The following CDH11 variants were observed in gnomAD, a reference collection of about 807,000 sequenced individuals.
The protein encoded by CDH11 is cadherin-11.
Under a neutral mutation model 67.8 loss-of-function variants are expected in CDH11, and 11 were observed. That is an observed-to-expected ratio of 0.16 (90% CI 0.10 to 0.27). The LOEUF (loss-of-function observed/expected upper bound fraction) is 0.27. Ranked by LOEUF, CDH11 falls within the 10% of genes least tolerant of loss-of-function variation. CDH11 has a pLI of 1.00. For missense variants in CDH11, 847 were observed against 1,031.2 expected, an observed-to-expected ratio of 0.82 and a Z score of 2.45; for synonymous variants, 419 against 400.0, an observed-to-expected ratio of 1.05 and a Z score of -0.57.
chr16:65,061,953 G>A (rs762090641), intron 1 of CDH11, among the ~76,000 whole-genome samples: 2 of 152,146 alleles, frequency 1.3e-5, no homozygotes, highest in African/African-American at 4.8e-5. Flanking sequence ...ACAAAAAGAC[G>A]GAGTAAAGTT....
chr16:65,101,636 A>G (rs1161538061), intron 1 of CDH11, among the ~76,000 whole-genome samples: 1 of 152,022 alleles, frequency 6.6e-6, no homozygotes, highest in African/African-American at 2.4e-5. Context: ...CCATCTTCCC[A>G]TGAGCAGTGC....
At chr16:65,074,968 T>A (rs1033145195) in intron 1 of CDH11, among the ~76,000 whole-genome samples, 1 of 151,982 alleles carries the variant, frequency 6.6e-6, no homozygotes, top group African/African-American at 2.4e-5. Context: ...CATGCGCACA[T>A]ACACACACAC....
At chr16:64,992,655 C>G (rs1290475048) in intron 5 of CDH11, among the ~76,000 whole-genome samples, 2 of 152,156 alleles carry the variant, frequency 1.3e-5, no homozygotes, top group African/African-American at 2.4e-5. Context: ...TCTCTTACTT[C>G]TGATATTAAA....
At chr16:64,976,584 A>G (rs1017322350) in intron 8 of CDH11, among the ~76,000 whole-genome samples, 44 of 152,180 alleles carry the variant, frequency 2.9e-4, no homozygotes, top group African/African-American at 1.1e-3. Flanking sequence ...GCCTTGCCTG[A>G]TGGCTCAAGC....
At chr16:65,046,613 A>G (rs1223111753) in intron 2 of CDH11, among the ~76,000 whole-genome samples, 2 of 152,214 alleles carry the variant, frequency 1.3e-5, no homozygotes, top group African/African-American at 4.8e-5. Context: ...TTGATTAGGG[A>G]TTAAATTCAT....
At chr16:65,084,590 A>T (rs949574322) in intron 1 of CDH11, among the ~76,000 whole-genome samples, 6 of 152,356 alleles carry the variant, frequency 3.9e-5, no homozygotes, top group Non-Finnish European at 7.3e-5. Context: ...AAGTGAGAAT[A>T]GTCGTCATTT....
chr16:65,089,459 T>C (rs1284196640), intron 1 of CDH11, among the ~76,000 whole-genome samples: 1 of 152,200 alleles, frequency 6.6e-6, no homozygotes, highest in Non-Finnish European at 1.5e-5. Flanking sequence ...GAAAACTTGC[T>C]CTTAAAACTA....
chr16:65,004,882 G>T lies in CDH11; in HGVS notation c.-13C>A. ...AGTTCTCCTTCATTTTTGGTTACGT[G>T]GTAGGCACAGGAGAATGCAGCTGTC... On this transcript the variant is annotated 5_prime_UTR_variant, in exon 3 of 13. Transcript: ENST00000268603. 1.3e-6 allele frequency: 2 copies of T among 1,507,592 alleles called. No individual in the cohort carries two copies. The highest frequency in any genetic ancestry group is 1.8e-6 in the Non-Finnish European group (2 of 1,122,738). 93.4% of individuals were successfully genotyped at this position (1,507,592 alleles called of 1,614,324 possible).
intron 6 of CDH11, 56 bp downstream of exon 6, chr16:64,991,712 G>C (rs2072632794): frequency 1.5e-6 from 2 of 1,337,566 alleles, no homozygotes; most frequent in Admixed American, 3.4e-5. Flanking sequence ...GGTTAGAGGA[G>C]GGAGAGAGCT....
intron 1 of CDH11, among the ~76,000 whole-genome samples, chr16:65,099,669 T>C (rs2074957326): frequency 6.6e-6 from 1 of 151,750 alleles, no homozygotes; most frequent in African/African-American, 2.4e-5. Flanking sequence ...CAGAAAAGAG[T>C]AGATGGAGAT....
chr16:65,121,740 A>C lies in CDH11; in HGVS notation c.-298+140T>G, dbSNP rs929463502. ...CTCTCCCTCCCTTTTGCTTTGCGTT[A>C]GTGAAGCCTTCTCGACTCAGATACC... On this transcript the variant is annotated intron_variant, in intron 1 of 12. Coordinates refer to ENST00000268603, the MANE Select transcript of CDH11 (RefSeq NM_001797.4). The surrounding 1 kb of genome is among the most constrained non-coding windows in gnomAD (Gnocchi z 4.1). 120 of 682,614 alleles carry C rather than the reference A, an allele frequency of 1.8e-4. 3 individuals are homozygous for C. The highest frequency in any genetic ancestry group is 1.8e-3 in the South Asian group (113 of 64,282). The allele number at this position is 682,614 out of a possible 1,614,324, so 42.3% of individuals were successfully genotyped here.
chr16:65,044,392 A>G (rs1237233441), intron 2 of CDH11, among the ~76,000 whole-genome samples: 2 of 152,132 alleles, frequency 1.3e-5, no homozygotes, highest in Admixed American at 1.3e-4. Flanking sequence ...AAATCAGAAG[A>G]AAAAAATGAC....
chr16:64,953,262 A>ATC (rs1433726069), intron 11 of CDH11, among the ~76,000 whole-genome samples: 1 of 149,394 alleles, frequency 6.7e-6, no homozygotes, highest in African/African-American at 2.4e-5. Context: ...ATCTATATCT[A>ATC]TATATAGATA....
intron 1 of CDH11, among the ~76,000 whole-genome samples, chr16:65,103,687 A>G (rs2075027310): frequency 6.6e-6 from 1 of 152,194 alleles, no homozygotes; most frequent in Admixed American, 6.5e-5. Context: ...TGAGACCTGC[A>G]CTATTTGTAA....
Position 65,005,055 on chromosome 16 carries a change from G to A in CDH11, c.-172-14C>T. On this transcript the variant is annotated splice_polypyrimidine_tract_variant and intron_variant, in intron 2 of 12. Transcript: ENST00000268603. ...CCCAGTTAGCTTCTGCAAGCAGAGA[G>A]AGGTTGGATTAACTGCAGGCCAAAT... 1 of 1,340,058 alleles carries A rather than the reference G, an allele frequency of 7.5e-7. No homozygotes were observed. Among genetic ancestry groups the A allele is most frequent in the Non-Finnish European group, 9.5e-7 (1 of 1,048,326 alleles). 83.0% of individuals were successfully genotyped at this position (1,340,058 alleles called of 1,614,324 possible).
intron 1 of CDH11, among the ~76,000 whole-genome samples, chr16:65,088,302 G>A (rs1389756197): frequency 6.6e-6 from 1 of 152,074 alleles, no homozygotes; most frequent in Non-Finnish European, 1.5e-5. Flanking sequence ...CCACTCTAAG[G>A]TATTTTTTAA....
chr16:64,953,671 A>C (rs2071424689), intron 11 of CDH11, among the ~76,000 whole-genome samples: 1 of 152,220 alleles, frequency 6.6e-6, no homozygotes, highest in Admixed American at 6.5e-5. Context: ...TAAAAATTAC[A>C]TATCTATAAT....
At chr16:64,952,264 T>C (rs1034158505) in intron 11 of CDH11, among the ~76,000 whole-genome samples, 3 of 152,212 alleles carry the variant, frequency 2.0e-5, no homozygotes, top group African/African-American at 7.2e-5. Flanking sequence ...CACTGTATAT[T>C]TGTATAGAAA....
rs374872755 is a variant in CDH11, at chr16:65,075,877, G to A, written c.-297-21949C>T. Among the ~76,000 whole-genome samples the A allele has an allele frequency of 2.6e-5, 4 of 152,260 alleles. 1 individual carries two copies. The highest frequency in any genetic ancestry group is 9.6e-5 in the African/African-American group (4 of 41,554). Reference sequence around the variant, plus strand: ...TAAATGATTGTGTTTTCTTCTTAGGGCTGTCATCAAGATTAAGATGTTGAA... The same window carrying A: ...TAAATGATTGTGTTTTCTTCTTAGGACTGTCATCAAGATTAAGATGTTGAA... On this transcript the variant is annotated intron_variant, in intron 1 of 12. Coordinates refer to ENST00000268603, the MANE Select transcript of CDH11 (RefSeq NM_001797.4).
Sources: allele counts gnomAD v4.1 joint callset (sites outside exome capture counted in the v4.1 genomes callset), GRCh38; gene constraint gnomAD v4.1.1; non-coding constraint Gnocchi (gnomAD v3.1); transcripts MANE v1.5; gene names NCBI Gene and HGNC (gene_info 2026-07-23, HGNC 2026-07-21).